GALNTL6: variants seen among roughly 807,000 people sequenced by gnomAD.
GALNTL6 encodes the protein polypeptide N-acetylgalactosaminyltransferase like 6.
In GALNTL6, 46 loss-of-function variants were observed where a neutral mutation model predicts 73.7. That is an observed-to-expected ratio of 0.62 (90% CI 0.49 to 0.80). GALNTL6 has a LOEUF of 0.80. Among genes scored for constraint, GALNTL6 ranks in the 30% least tolerant of loss-of-function variants. The pLI is 0.00. For synonymous variants in GALNTL6, 259 were observed against 263.7 expected (o/e 0.98, Z 0.17); for missense variants, 604 against 755.0 (o/e 0.80, Z 2.34).
intron 2 of GALNTL6, among the ~76,000 whole-genome samples, chr4:172,030,172 T>TA (rs1741723900): frequency 1.3e-5 from 2 of 152,084 alleles, no homozygotes; most frequent in African/African-American, 4.8e-5. Context: ...CACATTGCCA[T>TA]AAAAACCAAA....
chr4:172,752,183 A>ATAATT (rs1399996092), intron 5 of GALNTL6, among the ~76,000 whole-genome samples: 1 of 152,114 alleles, frequency 6.6e-6, no homozygotes, highest in Non-Finnish European at 1.5e-5. Context: ...TTGCTTAAAA[A>ATAATT]AGTAATATAT....
chr4:172,036,161 A>G (rs1392234342), intron 2 of GALNTL6, among the ~76,000 whole-genome samples: 1 of 152,104 alleles, frequency 6.6e-6, no homozygotes, highest in East Asian at 1.9e-4. Flanking sequence ...TATGTGAACA[A>G]TTCATATTTA....
chr4:172,465,938 T>C (rs1294352503), intron 5 of GALNTL6, among the ~76,000 whole-genome samples: 1 of 152,238 alleles, frequency 6.6e-6, no homozygotes, highest in Non-Finnish European at 1.5e-5. Flanking sequence ...TTGTACAGAT[T>C]GGTTTCCCAT....
At chr4:173,002,018 A>G (rs1752064100) in intron 10 of GALNTL6, among the ~76,000 whole-genome samples, 1 of 152,250 alleles carries the variant, frequency 6.6e-6, no homozygotes, top group Non-Finnish European at 1.5e-5. Flanking sequence ...TCCTAGGTGT[A>G]TGGGCAAAAT....
intron 5 of GALNTL6, among the ~76,000 whole-genome samples, chr4:172,388,045 A>G (rs1180982273): frequency 6.6e-6 from 1 of 152,166 alleles, no homozygotes; most frequent in African/African-American, 2.4e-5. Context: ...GTTGGATACG[A>G]TCAAAATAGG....
chr4:172,177,076 C>T (rs568570356), intron 2 of GALNTL6, among the ~76,000 whole-genome samples: 245 of 152,204 alleles, frequency 1.6e-3, no homozygotes, highest in African/African-American at 5.6e-3. Context: ...TATTTTCCCA[C>T]CTCTGTTGTT....
At chr4:172,650,790 A>T (rs1349222652) in intron 5 of GALNTL6, among the ~76,000 whole-genome samples, 1 of 152,196 alleles carries the variant, frequency 6.6e-6, no homozygotes, top group Non-Finnish European at 1.5e-5. Context: ...ATGAGAACTG[A>T]TCATCAAAAT....
intron 5 of GALNTL6, among the ~76,000 whole-genome samples, chr4:172,552,523 G>A (rs1217790860): frequency 6.6e-6 from 1 of 151,874 alleles, no homozygotes; most frequent in African/African-American, 2.4e-5. Context: ...ACCAATGTTT[G>A]TTTTGCTAAA....
intron 5 of GALNTL6, among the ~76,000 whole-genome samples, chr4:172,484,299 A>T (rs904468121): frequency 3.3e-5 from 5 of 152,212 alleles, no homozygotes; most frequent in Admixed American, 2.6e-4. Flanking sequence ...TTTTAGGAAA[A>T]TATATTCTGT....
rs5864129 is a variant in GALNTL6, at chr4:172,357,634, TACACACACACACACAC to T, written c.553+8964_553+8979del. ...ATATATGTATATATATATAGATATA[TACACACACACACACAC>T]ACACACACACACACACACGGAATTC... On this transcript the variant is annotated intron_variant, in intron 5 of 12. Coordinates refer to ENST00000506823, the MANE Select transcript of GALNTL6 (RefSeq NM_001034845.3). Among the ~76,000 whole-genome samples the T allele has an allele frequency of 2.1e-5, 3 of 145,750 alleles. No homozygotes were observed. In the Admixed American group the frequency reaches 2.1e-4, roughly 10 times the overall value.
chr4:172,609,545 A>T (rs1165488217), intron 5 of GALNTL6, among the ~76,000 whole-genome samples: 1 of 149,380 alleles, frequency 6.7e-6, no homozygotes, highest in Non-Finnish European at 1.5e-5. Context: ...TCAGTTTGCC[A>T]GTGTTTTATT....
At chr4:172,805,089 A>G (rs1335030793) in intron 5 of GALNTL6, among the ~76,000 whole-genome samples, 1 of 152,194 alleles carries the variant, frequency 6.6e-6, no homozygotes, top group Non-Finnish European at 1.5e-5. Flanking sequence ...AATTGAGATG[A>G]GCCAGTCATA....
intron 2 of GALNTL6, among the ~76,000 whole-genome samples, chr4:171,859,222 G>C (rs1299467636): frequency 6.6e-6 from 1 of 152,170 alleles, no homozygotes; most frequent in Non-Finnish European, 1.5e-5. Flanking sequence ...GAAAGCACAA[G>C]AGCTAATGCT....
intron 10 of GALNTL6, among the ~76,000 whole-genome samples, chr4:172,994,163 C>A (rs865780485): frequency 4.6e-5 from 7 of 152,160 alleles, no homozygotes. Flanking sequence ...ACTACAATAA[C>A]TGTTGTATAA....
At chr4:172,558,902 G>A (rs1736239784) in intron 5 of GALNTL6, among the ~76,000 whole-genome samples, 1 of 152,010 alleles carries the variant, frequency 6.6e-6, no homozygotes, top group African/African-American at 2.4e-5. Context: ...CCCTGGGATG[G>A]AAATGCTTCC....
chr4:172,932,509 A>G (rs1748403864), intron 9 of GALNTL6, among the ~76,000 whole-genome samples: 2 of 152,140 alleles, frequency 1.3e-5, no homozygotes, highest in East Asian at 1.9e-4. Context: ...TCTAACAGCA[A>G]TTAGAGCTCC....
intron 2 of GALNTL6, among the ~76,000 whole-genome samples, chr4:172,064,077 CAT>C (rs1320296264): frequency 2.0e-5 from 3 of 152,160 alleles, no homozygotes; most frequent in African/African-American, 7.2e-5. Context: ...TTTTGAAACA[CAT>C]ATTCCTGATC....
chr4:171,884,091 G>C (rs1736542951), intron 2 of GALNTL6, among the ~76,000 whole-genome samples: 1 of 152,132 alleles, frequency 6.6e-6, no homozygotes, highest in Non-Finnish European at 1.5e-5. Context: ...TCGAAAAGTT[G>C]CAGTTAGCTT....
intron 2 of GALNTL6, among the ~76,000 whole-genome samples, chr4:172,165,301 T>G (rs115434523): frequency 0.014 from 2,087 of 152,248 alleles, 47 homozygotes; most frequent in African/African-American, 0.047. Flanking sequence ...CTTACAACTT[T>G]ATTAAAGTGG....
Sources: gnomAD v4.1 joint callset for allele counts (sites outside exome capture counted in the v4.1 genomes callset) on GRCh38, gnomAD v4.1.1 for gene constraint, MANE v1.5 for transcripts, NCBI Gene and HGNC (gene_info 2026-07-23, HGNC 2026-07-21) for gene names.